The following MSMO1 variants were observed in gnomAD, a reference collection of about 807,000 sequenced individuals.
The protein encoded by MSMO1 is methylsterol monooxygenase 1.
Under a neutral mutation model 30.4 loss-of-function variants are expected in MSMO1, and 18 were observed. That is an observed-to-expected ratio of 0.59 (90% CI 0.41 to 0.88). The LOEUF (loss-of-function observed/expected upper bound fraction) is 0.88. Ranked by LOEUF, MSMO1 falls within the 40% of genes least tolerant of loss-of-function variation. The pLI is 0.00. For missense variants in MSMO1, 284 were observed against 340.5 expected, an observed-to-expected ratio of 0.83 and a Z score of 1.31; for synonymous variants, 84 against 107.9, an observed-to-expected ratio of 0.78 and a Z score of 1.37.
intron 3 of MSMO1, among the ~76,000 whole-genome samples, chr4:165,338,364 T>G (rs1464134324): frequency 6.6e-6 from 1 of 151,008 alleles, no homozygotes; most frequent in African/African-American, 2.4e-5. Context: ...ATATATATAC[T>G]CATGCGTCAC....
Position 165,340,566 on chromosome 4 carries a change from T to C in MSMO1, c.686+191T>C, listed in dbSNP as rs2126628581. The C allele has an allele frequency of 1.5e-5, 9 of 602,516 alleles. No individual in the cohort carries two copies. In the South Asian group the frequency reaches 1.9e-4, roughly 13 times the overall value. The allele number at this position is 602,516 out of a possible 1,614,324, so 37.3% of individuals were successfully genotyped here. A position where few individuals can be genotyped will look rare whatever the true frequency, so the allele number is the denominator to read the frequency against. On this transcript the variant is annotated intron_variant, in intron 5 of 5. Transcript: ENST00000261507. ...TACATTCTAGCCTATGCTGTTATAA[T>C]TTTTATAGTGATAATGTGTTATTAG... is the stretch of plus-strand genomic sequence containing the variant.
intron 3 of MSMO1, 51 bp from the exon 4 acceptor site, chr4:165,338,601 T>A: frequency 6.6e-7 from 1 of 1,515,326 alleles, no homozygotes; most frequent in Non-Finnish European, 9.2e-7. Flanking sequence ...AAAGTCTGGA[T>A]AGTTTAAGTA....
rs139920569 is a variant in MSMO1 at position 165,341,882 on chromosome 4, G to A, written c.818G>A (p.Gly273Glu). 409 of 1,613,368 alleles carry A rather than the reference G, an allele frequency of 2.5e-4. 2 individuals carry two copies. The highest frequency in any genetic ancestry group is 1.8e-3 in the Middle Eastern group (11 of 6,026). The change falls in exon 6 of 6, where the codon GGA (glycine) becomes GAA (glutamate). Residue 273 changes from glycine (G) to glutamate (E), a missense_variant. Coordinates refer to ENST00000261507, the MANE Select transcript of MSMO1 (RefSeq NM_006745.5). ...STFTWWDRIF[G>E]TDSQYNAYNE... Reference sequence around the variant, plus strand: ...TTTACATGGTGGGATCGAATTTTTGGAACAGACTCTCAGTATAATGCCTAT... The same window carrying A: ...TTTACATGGTGGGATCGAATTTTTGAAACAGACTCTCAGTATAATGCCTAT...
chr4:165,328,446 T>C (rs1359320888), intron 1 of MSMO1, among the ~76,000 whole-genome samples: 2 of 152,204 alleles, frequency 1.3e-5, no homozygotes, highest in Non-Finnish European at 2.9e-5. Flanking sequence ...ATCTCTGATG[T>C]TTAAATTTAT....
intron 2 of MSMO1, 64 bp downstream of exon 2, chr4:165,333,689 T>TA: frequency 6.9e-7 from 1 of 1,448,138 alleles, no homozygotes; most frequent in Non-Finnish European, 9.3e-7. Context: ...TAAAAGTACA[T>TA]AGGGCTTTGT....
chr4:165,330,766 CA>C (rs1245885195), intron 1 of MSMO1, among the ~76,000 whole-genome samples: 2 of 152,008 alleles, frequency 1.3e-5, no homozygotes, highest in Admixed American at 1.3e-4. Context: ...AGTGCAGTCA[CA>C]GCTTACTGAA....
Position 165,330,159 on chromosome 4 carries a change from C to A in MSMO1, c.-32+2395C>A, listed in dbSNP as rs901944402. ...TATAATGGATGAGTGCATGGGCTTC[C>A]CCACTTAGCATTTGTTAAGCATTAA... On this transcript the variant is annotated intron_variant, in intron 1 of 5. Coordinates refer to ENST00000261507, the MANE Select transcript of MSMO1 (RefSeq NM_006745.5). Among the ~76,000 whole-genome samples the A allele has an allele frequency of 6.6e-5, 10 of 152,220 alleles. No homozygotes were observed. In the South Asian group the frequency reaches 1.0e-3, roughly 16 times the overall value.
intron 2 of MSMO1, among the ~76,000 whole-genome samples, chr4:165,337,561 AGTTT>A (rs1260599269): frequency 7.2e-5 from 11 of 152,186 alleles, no homozygotes; most frequent in African/African-American, 2.4e-4. Flanking sequence ...AGTGTTTCTT[AGTTT>A]GTTTGAGATC....
Position 165,333,377 on chromosome 4 carries a change from A to G in MSMO1, c.7A>G (p.Thr3Ala). ...GTCTGCAGAGATTTGAAAAATGGCAACAAATGAAAGTGTCAGCATCTTTAG... is the reference window on the plus strand; with the variant it reads ...GTCTGCAGAGATTTGAAAAATGGCAGCAAATGAAAGTGTCAGCATCTTTAG... The part of the protein sequence containing the change: MA[T>A]NESVSIFSSA... The change falls in exon 2 of 6, where the codon ACA becomes GCA. Residue 3 changes from threonine (T) to alanine (A), a missense_variant. Coordinates refer to ENST00000261507, the MANE Select transcript of MSMO1 (RefSeq NM_006745.5). The G allele has an allele frequency of 1.9e-6, 3 of 1,611,806 alleles. No homozygotes were observed. Among genetic ancestry groups the G allele is most frequent in the Non-Finnish European group, 2.5e-6 (3 of 1,179,798 alleles).
chr4:165,329,916 A>G (rs3890624), intron 1 of MSMO1, among the ~76,000 whole-genome samples: 60,798 of 151,910 alleles, frequency 0.4, 13,007 homozygotes, highest in African/African-American at 0.53. Context: ...TTACCAGCGT[A>G]AGCCACCACA....
At chr4:165,330,800 C>T (rs1472201880) in intron 1 of MSMO1, among the ~76,000 whole-genome samples, 2 of 152,082 alleles carry the variant, frequency 1.3e-5, no homozygotes, top group Non-Finnish European at 2.9e-5. Flanking sequence ...TCATTTCAAG[C>T]GATTCACCTG....
At chr4:165,329,894 A>ACCT (rs1747344239) in intron 1 of MSMO1, among the ~76,000 whole-genome samples, 2 of 152,130 alleles carry the variant, frequency 1.3e-5, no homozygotes, top group South Asian at 2.1e-4. Flanking sequence ...TCAGCCTCCC[A>ACCT]AAGTGCTGGG....
chr4:165,335,271 T>G (rs1747507718), intron 2 of MSMO1, among the ~76,000 whole-genome samples: 1 of 152,200 alleles, frequency 6.6e-6, no homozygotes, highest in Admixed American at 6.5e-5. Context: ...AGTCTCACTT[T>G]AAGCAGGTAT....
At chr4:165,336,600 C>T (rs1467560926) in intron 2 of MSMO1, among the ~76,000 whole-genome samples, 1 of 152,152 alleles carries the variant, frequency 6.6e-6, no homozygotes, top group African/African-American at 2.4e-5. Context: ...AAGCCTGAAT[C>T]CTTCATTTAT....
chr4:165,329,625 ATT>A (rs1171733863), intron 1 of MSMO1, among the ~76,000 whole-genome samples: 3 of 68,002 alleles, frequency 4.4e-5, no homozygotes, highest in East Asian at 3.9e-4. Flanking sequence ...ATCCATAGCG[ATT>A]TTTTTTTTTT....
intron 5 of MSMO1, 71 bp from the exon 6 acceptor site, chr4:165,341,677 CATG>C (rs781380579): frequency 4.6e-4 from 633 of 1,366,252 alleles, no homozygotes; most frequent in Non-Finnish European, 6.2e-4. Context: ...AATGTGAACA[CATG>C]ATTATTAATA....
intron 2 of MSMO1, among the ~76,000 whole-genome samples, chr4:165,333,898 G>C (rs1747468775): frequency 6.6e-6 from 1 of 152,174 alleles, no homozygotes; most frequent in Non-Finnish European, 1.5e-5. Flanking sequence ...GGGAGGCCAA[G>C]GCAGGAGGAT....
chr4:165,337,375 C>T (rs1023391028), intron 2 of MSMO1, among the ~76,000 whole-genome samples: 12 of 152,190 alleles, frequency 7.9e-5, no homozygotes, highest in Admixed American at 7.9e-4. Flanking sequence ...CACTGAGTGC[C>T]TGGAAGCATC....
At chr4:165,331,808 A>G (rs1266328452) in intron 1 of MSMO1, among the ~76,000 whole-genome samples, 1 of 152,190 alleles carries the variant, frequency 6.6e-6, no homozygotes, top group Non-Finnish European at 1.5e-5. Context: ...TTTTTTGGTT[A>G]GTGACCTATT....
Sources: allele counts gnomAD v4.1 joint callset (sites outside exome capture counted in the v4.1 genomes callset), GRCh38; gene constraint gnomAD v4.1.1; transcripts MANE v1.5; gene names NCBI Gene and HGNC (gene_info 2026-07-23, HGNC 2026-07-21).